The following NRXN3 variants were observed in gnomAD, a reference collection of about 807,000 sequenced individuals.
NRXN3 encodes neurexin III.
A neutral mutation model predicts 137.6 loss-of-function variants in NRXN3; 32 were observed. The observed-to-expected ratio is 0.23, with a 90% confidence interval of 0.18 to 0.31. The LOEUF (loss-of-function observed/expected upper bound fraction) is 0.31. Ranked by LOEUF, NRXN3 falls within the 10% of genes least tolerant of loss-of-function variation. NRXN3 has a pLI of 1.00. For synonymous variants in NRXN3, 798 were observed against 784.5 expected, an observed-to-expected ratio of 1.02 and a Z score of -0.29; for missense variants, 1,574 against 2,062.5, an observed-to-expected ratio of 0.76 and a Z score of 4.59.
chr14:78,854,501 G>A (rs1437950202), intron 10 of NRXN3, among the ~76,000 whole-genome samples: 1 of 152,074 alleles, frequency 6.6e-6, no homozygotes, highest in Non-Finnish European at 1.5e-5. Context: ...TGGTCCAATA[G>A]TTATGTTTGA....
intron 11 of NRXN3, among the ~76,000 whole-genome samples, chr14:78,960,743 A>G (rs1258049212): frequency 6.6e-6 from 1 of 152,194 alleles, no homozygotes; most frequent in Admixed American, 6.5e-5. Flanking sequence ...TGCCCTTGCT[A>G]GTAGAAAAAT....
At chr14:78,252,495 A>C (rs142765806) in intron 2 of NRXN3, among the ~76,000 whole-genome samples, 27 of 152,308 alleles carry the variant, frequency 1.8e-4, no homozygotes, top group African/African-American at 6.3e-4. Context: ...TGTAGCTAAG[A>C]AAATGACTCT....
chr14:79,271,375 TC>T (rs368039604), intron 15 of NRXN3, among the ~76,000 whole-genome samples: 31 of 66,852 alleles, frequency 4.6e-4, no homozygotes, highest in African/African-American at 1.9e-3. Context: ...TCCCCTCCCC[TC>T]CCTTACCTTC....
chr14:78,316,375 G>A (rs2153553101), intron 4 of NRXN3, among the ~76,000 whole-genome samples: 1 of 152,272 alleles, frequency 6.6e-6, no homozygotes, highest in African/African-American at 2.4e-5. Flanking sequence ...AAATTCCTAA[G>A]GAAAGAAAGA....
intron 8 of NRXN3, among the ~76,000 whole-genome samples, chr14:78,723,068 C>T (rs1449839930): frequency 1.3e-5 from 2 of 152,128 alleles, no homozygotes; most frequent in African/African-American, 2.4e-5. Flanking sequence ...TTCGAAGATG[C>T]AGCTGTAGGG....
intron 1 of NRXN3, among the ~76,000 whole-genome samples, chr14:78,186,503 C>T (rs1416372449): frequency 2.0e-5 from 3 of 152,240 alleles, no homozygotes; most frequent in Non-Finnish European, 4.4e-5. Context: ...GATCTGATGT[C>T]TTCAGAATCG....
At chr14:78,815,601 G>A (rs928569415) in intron 10 of NRXN3, among the ~76,000 whole-genome samples, 2 of 140,944 alleles carry the variant, frequency 1.4e-5, no homozygotes, top group African/African-American at 2.6e-5. Flanking sequence ...GCTTAATTTA[G>A]GCATAGTTTA....
At chr14:79,724,254 C>T (rs1448238160) in intron 19 of NRXN3, among the ~76,000 whole-genome samples, 6 of 152,072 alleles carry the variant, frequency 3.9e-5, no homozygotes, top group Admixed American at 3.3e-4. Flanking sequence ...AAAAGATGTC[C>T]CTGATGCAAT....
At chr14:78,617,273 C>T (rs1211005604) in intron 4 of NRXN3, among the ~76,000 whole-genome samples, 1 of 152,160 alleles carries the variant, frequency 6.6e-6, no homozygotes, top group African/African-American at 2.4e-5. Context: ...TGGGTGGCTA[C>T]CAAAAGAGAG....
chr14:78,847,765 G>A (rs1032827451), intron 10 of NRXN3, among the ~76,000 whole-genome samples: 7 of 152,104 alleles, frequency 4.6e-5, no homozygotes, highest in Non-Finnish European at 8.8e-5. Flanking sequence ...TTCTATAAAC[G>A]TCAGTGGAAA....
chr14:79,175,083 C>G (rs1027800832), intron 15 of NRXN3, among the ~76,000 whole-genome samples: 4 of 151,590 alleles, frequency 2.6e-5, no homozygotes, highest in African/African-American at 9.7e-5. Flanking sequence ...CGGGTTCACG[C>G]CATTCTCCTG....
At chr14:79,769,202 G>A (rs1352168140) in intron 19 of NRXN3, among the ~76,000 whole-genome samples, 1 of 149,066 alleles carries the variant, frequency 6.7e-6, no homozygotes, top group African/African-American at 2.4e-5. Context: ...ACACTCTGCA[G>A]GATATTATCC....
intron 16 of NRXN3, among the ~76,000 whole-genome samples, chr14:79,594,645 G>T (rs907660344): frequency 2.6e-5 from 4 of 151,616 alleles, no homozygotes; most frequent in Non-Finnish European, 1.5e-5. Flanking sequence ...GTGGCTTCAA[G>T]AAATTCTCCC....
intron 16 of NRXN3, among the ~76,000 whole-genome samples, chr14:79,552,101 C>T (rs1305760933): frequency 7.2e-5 from 11 of 152,138 alleles, no homozygotes; most frequent in Non-Finnish European, 1.2e-4. Context: ...TGCTTCAGTG[C>T]ATGTATTTAC....
At chr14:78,569,097 A>G (rs1162756608) in intron 4 of NRXN3, among the ~76,000 whole-genome samples, 2 of 148,150 alleles carry the variant, frequency 1.3e-5, no homozygotes, top group Non-Finnish European at 3.0e-5. Context: ...CCTCCTGAGT[A>G]GCTGGGACTA....
At chr14:79,244,197 A>G (rs150577888) in intron 15 of NRXN3, among the ~76,000 whole-genome samples, 260 of 152,218 alleles carry the variant, frequency 1.7e-3, no homozygotes, top group African/African-American at 6.0e-3. Flanking sequence ...AGTCCTCTAT[A>G]TTGTTCTCTG....
intron 8 of NRXN3, among the ~76,000 whole-genome samples, chr14:78,803,000 T>C (rs746595224): frequency 1.2e-4 from 18 of 152,238 alleles, no homozygotes; most frequent in Non-Finnish European, 2.4e-4. Context: ...TGAATAAAAG[T>C]AAAATGAGTT....
At position 78,797,905 on chromosome 14, in the gene NRXN3, G is replaced by A. The variant is rs375743240; in HGVS notation, c.2045-5715G>A. Among the ~76,000 whole-genome samples the A allele has an allele frequency of 4.9e-4, 75 of 152,252 alleles. No individual in the cohort carries two copies. In the East Asian group the frequency reaches 0.013, roughly 27 times the overall value. On this transcript the variant is annotated intron_variant, in intron 8 of 20. Transcript: ENST00000335750. ...TTTTGTGAGACTTATTCACTATGAT[G>A]AGTAGAGTATGGGGGAAACTGCCCC... is the stretch of plus-strand genomic sequence containing the variant.
intron 8 of NRXN3, among the ~76,000 whole-genome samples, chr14:78,743,074 G>GT (rs2098587876): frequency 6.6e-6 from 1 of 152,142 alleles, no homozygotes; most frequent in Non-Finnish European, 1.5e-5. Flanking sequence ...GGCAAGTGTG[G>GT]TTTTAAGATG....
Sources: allele counts gnomAD v4.1 joint callset (sites outside exome capture counted in the v4.1 genomes callset), GRCh38; gene constraint gnomAD v4.1.1; transcripts MANE v1.5; gene names NCBI Gene and HGNC (gene_info 2026-07-23, HGNC 2026-07-21).